The following ASAP1 variants were observed in gnomAD, a reference collection of about 807,000 sequenced individuals.
The protein encoded by ASAP1 is ArfGAP with SH3 domain, ankyrin repeat and PH domain 1, also known as arf-GAP with SH3 domain, ANK repeat and PH domain-containing protein 1.
Under a neutral mutation model 145.2 loss-of-function variants are expected in ASAP1, and 43 were observed. The observed-to-expected ratio is 0.30, with a 90% confidence interval of 0.23 to 0.38. The LOEUF (loss-of-function observed/expected upper bound fraction) is 0.38, where lower values mean the gene tolerates loss of function less well. ASAP1 is among the 10% of genes least tolerant of loss of function. ASAP1 has a pLI of 1.00. For synonymous variants in ASAP1, 546 were observed against 515.5 expected, an observed-to-expected ratio of 1.06 and a Z score of -0.80; for missense variants, 1,018 against 1,355.3, an observed-to-expected ratio of 0.75 and a Z score of 3.91.
rs191277040 is a variant in ASAP1, at chr8:130,272,803, G to A, written c.187-35809C>T. Among the ~76,000 whole-genome samples the A allele has an allele frequency of 4.3e-3, 648 of 152,240 alleles. 7 individuals are homozygous for A. The highest frequency in any genetic ancestry group is 4.3e-3 in the Non-Finnish European group (295 of 68,004). ...CATATGTGGGAGCTAAAAATGTTGA[G>A]GTAGAAAGTGGAATGACAGATACTA... On this transcript the variant is annotated intron_variant, in intron 3 of 29. Coordinates refer to ENST00000518721, the MANE Select transcript of ASAP1 (RefSeq NM_018482.4).
At chr8:130,213,294 C>T (rs1234233800) in intron 5 of ASAP1, among the ~76,000 whole-genome samples, 1 of 152,146 alleles carries the variant, frequency 6.6e-6, no homozygotes, top group Non-Finnish European at 1.5e-5. Context: ...AAGATTAATT[C>T]AATGGCATAC....
chr8:130,325,309 T>G (rs1824258429), intron 3 of ASAP1, among the ~76,000 whole-genome samples: 1 of 152,196 alleles, frequency 6.6e-6, no homozygotes, highest in Admixed American at 6.5e-5. Flanking sequence ...TCCTAAACAT[T>G]TGCTCAGGTA....
chr8:130,243,287 A>AT (rs1249348638), intron 3 of ASAP1, among the ~76,000 whole-genome samples: 1 of 152,032 alleles, frequency 6.6e-6, no homozygotes, highest in Admixed American at 6.6e-5. Context: ...ACTCTACCTT[A>AT]TTTTTTAGAT....
chr8:130,130,980 C>T (rs188806774), intron 15 of ASAP1, among the ~76,000 whole-genome samples: 1 of 152,204 alleles, frequency 6.6e-6, no homozygotes, highest in African/African-American at 2.4e-5. Flanking sequence ...CACGGTGAAA[C>T]CCCATCTCTA....
chr8:130,208,340 A>ATAAC (rs1479744245), intron 5 of ASAP1, among the ~76,000 whole-genome samples: 1 of 152,148 alleles, frequency 6.6e-6, no homozygotes. Context: ...ACATGTATAG[A>ATAAC]TAACTACAAC....
At chr8:130,282,802 G>C (rs1821333290) in intron 3 of ASAP1, among the ~76,000 whole-genome samples, 1 of 152,142 alleles carries the variant, frequency 6.6e-6, no homozygotes, top group South Asian at 2.1e-4. Flanking sequence ...AGAACCCAAA[G>C]GATCATAAAC....
intron 3 of ASAP1, among the ~76,000 whole-genome samples, chr8:130,271,392 A>T (rs1247179163): frequency 1.3e-5 from 2 of 152,234 alleles, no homozygotes; most frequent in South Asian, 4.1e-4. Flanking sequence ...CACAGTTCCA[A>T]GGAATTTGTT....
chr8:130,423,422 T>C (rs972688936), intron 1 of ASAP1, among the ~76,000 whole-genome samples: 1 of 152,238 alleles, frequency 6.6e-6, no homozygotes, highest in South Asian at 2.1e-4. Flanking sequence ...CTTGGTAATA[T>C]GTACAACACT....
intron 25 of ASAP1, chr8:130,082,711 CTAAT>C (rs1321668639): frequency 8.5e-6 from 1 of 117,462 alleles, no homozygotes; most frequent in Non-Finnish European, 1.7e-5. Context: ...GGTCTCATTA[CTAAT>C]TTTTTTTTTT....
chr8:130,384,774 C>G (rs1827935797), intron 2 of ASAP1, among the ~76,000 whole-genome samples: 1 of 152,188 alleles, frequency 6.6e-6, no homozygotes, highest in African/African-American at 2.4e-5. Flanking sequence ...GTTACCCTGT[C>G]ACACTTCACA....
At chr8:130,425,539 C>T (rs886219420) in intron 1 of ASAP1, among the ~76,000 whole-genome samples, 1 of 152,004 alleles carries the variant, frequency 6.6e-6, no homozygotes, top group Non-Finnish European at 1.5e-5. Flanking sequence ...GAACAAAAAA[C>T]AGCATGGGTC....
intron 24 of ASAP1, among the ~76,000 whole-genome samples, chr8:130,099,321 G>A (rs2097524538): frequency 6.6e-6 from 1 of 151,946 alleles, no homozygotes; most frequent in African/African-American, 2.4e-5. Context: ...TGGGACTACA[G>A]GTGCCTGCCA....
At chr8:130,055,871 C>T (rs3758028) in intron 29 of ASAP1, among the ~76,000 whole-genome samples, 15,356 of 152,268 alleles carry the variant, frequency 0.1, 909 homozygotes, top group South Asian at 0.27. Flanking sequence ...GCCCACCCAC[C>T]GCGTGTGGTC....
At chr8:130,267,250 C>A (rs772141068) in intron 3 of ASAP1, among the ~76,000 whole-genome samples, 1 of 151,890 alleles carries the variant, frequency 6.6e-6, no homozygotes. Context: ...TTAACCCTAG[C>A]GACAGCTCCT....
chr8:130,217,678 C>A (rs2136461663), intron 4 of ASAP1, among the ~76,000 whole-genome samples: 1 of 152,232 alleles, frequency 6.6e-6, no homozygotes, highest in East Asian at 1.9e-4. Flanking sequence ...AAAGCTGCGG[C>A]TTGGTTAATA....
At chr8:130,179,057 T>C in intron 9 of ASAP1, 1 of 438,294 alleles carries the variant, frequency 2.3e-6, no homozygotes, top group Non-Finnish European at 4.1e-6. Context: ...AGGAAGACAA[T>C]ATTTTTAAGC....
intron 25 of ASAP1, among the ~76,000 whole-genome samples, chr8:130,090,173 G>T (rs975413672): frequency 2.6e-5 from 4 of 152,154 alleles, no homozygotes; most frequent in African/African-American, 9.7e-5. Flanking sequence ...AAAAAGTGAT[G>T]ATTTTCAAGC....
chr8:130,061,044 G>C lies in ASAP1; in HGVS notation c.2727C>G (p.Leu909=). 2.0e-6 allele frequency: 3 copies of C among 1,529,556 alleles called. No homozygotes were observed. Among genetic ancestry groups the C allele is most frequent in the Non-Finnish European group, 2.6e-6 (3 of 1,142,024 alleles). The allele number at this position is 1,529,556 out of a possible 1,614,324, so 94.7% of individuals were successfully genotyped here. ...QKVALRKTDH[L]SLDKATIPPE... ...GCGGGATGGTGGCTTTGTCTAGGGA[G>C]AGATGATCTGTTTTCCTTAGTGCCA... The change falls in exon 28 of 30, where the codon CTC becomes CTG. Residue 909 remains leucine, a synonymous_variant. Coordinates refer to ENST00000518721, the MANE Select transcript of ASAP1 (RefSeq NM_018482.4).
chr8:130,107,180 C>CTTTTTTTTT (rs375105720), intron 24 of ASAP1, among the ~76,000 whole-genome samples: 18 of 113,870 alleles, frequency 1.6e-4, no homozygotes, highest in Non-Finnish European at 2.6e-4. Context: ...CTCTCTTCTT[C>CTTTTTTTTT]TTCTTTTTTT....
Sources: allele counts gnomAD v4.1 joint callset (sites outside exome capture counted in the v4.1 genomes callset), GRCh38; gene constraint gnomAD v4.1.1; transcripts MANE v1.5; gene names NCBI Gene and HGNC (gene_info 2026-07-23, HGNC 2026-07-21).